CSPP1: variants seen among roughly 807,000 people sequenced by gnomAD.
CSPP1 encodes centrosome and spindle pole-associated protein 1.
In CSPP1, 126 loss-of-function variants were observed where a neutral mutation model predicts 164.4. The ratio of observed to expected loss-of-function variants is 0.77; its 90% CI spans 0.66 to 0.89. The LOEUF is 0.89. Ranked by LOEUF, CSPP1 falls within the 40% of genes least tolerant of loss-of-function variation. The pLI, the probability that CSPP1 is intolerant of heterozygous loss-of-function variation, is 0.00. For synonymous variants in CSPP1, 472 were observed against 476.7 expected (o/e 0.99, Z 0.13); for missense variants, 1,395 against 1,449.8 (o/e 0.96, Z 0.61).
At chr8:67,141,905 C>G (rs1391284418) in intron 17 of CSPP1, among the ~76,000 whole-genome samples, 1 of 152,198 alleles carries the variant, frequency 6.6e-6, no homozygotes. Context: ...AACGTCTGTT[C>G]ATTATCTTGG....
intron 1 of CSPP1, among the ~76,000 whole-genome samples, chr8:67,065,836 G>T (rs958290203): frequency 1.3e-5 from 2 of 152,070 alleles, no homozygotes; most frequent in Admixed American, 6.6e-5. Context: ...TTCAAGTTTG[G>T]GTCTTCTGCC....
At chr8:67,074,962 G>A (rs1238678795) in intron 2 of CSPP1, 1 of 158,010 alleles carries the variant, frequency 6.3e-6, no homozygotes, top group Non-Finnish European at 1.4e-5. Flanking sequence ...TGTATTTTTA[G>A]TAGAGTTGAG....
chr8:67,153,964 A>G (rs1826192529), intron 18 of CSPP1, 60 bp from the exon 19 acceptor site: 1 of 750,146 alleles, frequency 1.3e-6, no homozygotes, highest in African/African-American at 1.8e-5. Context: ...TTCATTCTTT[A>G]ACTGTTAAAT....
At position 67,195,565 on chromosome 8, in the gene CSPP1, G is replaced by C. The variant is rs377160929; in HGVS notation, c.3653G>C (p.Trp1218Ser). 8.1e-6 allele frequency: 13 copies of C among 1,614,014 alleles called. No homozygotes were observed. Among genetic ancestry groups the C allele is most frequent in the Admixed American group, 1.7e-5 (1 of 60,014 alleles). Residue 1218 changes from tryptophan (W) to serine (S), a missense_variant, in exon 31 of 31, where the codon TGG becomes TCG. Trp to Ser is a radical substitution (Grantham distance 177). Coordinates refer to ENST00000678616, the MANE Select transcript of CSPP1 (RefSeq NM_001382391.1). ...CCTGGAAAACCAGGCACTTTCACTTGGCAGGGCCTGTCGACTGCACATGGT... is the reference window on the plus strand; with the variant it reads ...CCTGGAAAACCAGGCACTTTCACTTCGCAGGGCCTGTCGACTGCACATGGT... ...QIPGKPGTFT[W>S]QGLSTAHG
At chr8:67,084,596 A>G (rs1809994809) in intron 3 of CSPP1, among the ~76,000 whole-genome samples, 1 of 152,060 alleles carries the variant, frequency 6.6e-6, no homozygotes. Flanking sequence ...AGTTTTGGCC[A>G]GGCGTGGTGG....
chr8:67,147,125 C>G (rs900169828), intron 17 of CSPP1, among the ~76,000 whole-genome samples: 1 of 152,096 alleles, frequency 6.6e-6, no homozygotes. Flanking sequence ...GTTGAGAAGT[C>G]CATATATAAT....
rs754467409 is a variant in CSPP1 at position 67,164,383 on chromosome 8, A to G, written c.2711-8A>G. ...TCTTGTGTTTTACTTATCAATGGGAATTTGCAGAGGAGAAAAAAAATGTAA... is the reference window on the plus strand; with the variant it reads ...TCTTGTGTTTTACTTATCAATGGGAGTTTGCAGAGGAGAAAAAAAATGTAA... On this transcript the variant is annotated splice_region_variant and splice_polypyrimidine_tract_variant and intron_variant, in intron 23 of 30. Transcript: ENST00000678616. 1 of 1,322,714 alleles carries G rather than the reference A, an allele frequency of 7.6e-7. No individual in the cohort carries two copies. Among genetic ancestry groups the G allele is most frequent in the East Asian group, 2.3e-5 (1 of 43,550 alleles). 81.9% of individuals were successfully genotyped at this position (1,322,714 alleles called of 1,614,324 possible). A position where few individuals can be genotyped will look rare whatever the true frequency, so the allele number is the denominator to read the frequency against.
chr8:67,161,461 T>A (rs1828331555), intron 21 of CSPP1, among the ~76,000 whole-genome samples: 1 of 152,194 alleles, frequency 6.6e-6, no homozygotes, highest in Non-Finnish European at 1.5e-5. Context: ...TGTTATTTAA[T>A]TTTTTTGTAT....
intron 1 of CSPP1, among the ~76,000 whole-genome samples, chr8:67,072,585 C>T (rs1585817548): frequency 6.6e-6 from 1 of 151,938 alleles, no homozygotes; most frequent in South Asian, 2.1e-4. Context: ...AGTTGGAACA[C>T]TTTGGGAGGC....
intron 8 of CSPP1, among the ~76,000 whole-genome samples, chr8:67,104,966 A>ATTTTTT (rs1166551719): frequency 6.6e-5 from 4 of 60,732 alleles, no homozygotes; most frequent in East Asian, 7.3e-4. Flanking sequence ...ATATATATAT[A>ATTTTTT]TTTTTTTTTT....
chr8:67,141,523 CTTTATT>C (rs747996350), intron 17 of CSPP1, among the ~76,000 whole-genome samples: 30 of 152,120 alleles, frequency 2.0e-4, no homozygotes, highest in South Asian at 1.2e-3. Context: ...TACATTTTAT[CTTTATT>C]TTTATTTTTT....
intron 1 of CSPP1, among the ~76,000 whole-genome samples, chr8:67,069,359 G>A (rs1407600234): frequency 2.6e-5 from 4 of 152,134 alleles, no homozygotes; most frequent in Admixed American, 2.0e-4. Context: ...TATGGCATAT[G>A]CTATATTTAC....
At chr8:67,182,673 T>A (rs565589479) in intron 28 of CSPP1, among the ~76,000 whole-genome samples, 1 of 152,364 alleles carries the variant, frequency 6.6e-6, no homozygotes, top group South Asian at 2.1e-4. Flanking sequence ...ATAGTAGCAA[T>A]CCTTACGGGT....
At chr8:67,085,909 G>A in intron 3 of CSPP1, 98 bp from the exon 4 acceptor site, 1 of 679,036 alleles carries the variant, frequency 1.5e-6, no homozygotes, top group Non-Finnish European at 2.7e-6. Context: ...CTTGGAATAA[G>A]CATAATTCTG....
At chr8:67,144,925 A>T (rs1824208025) in intron 17 of CSPP1, among the ~76,000 whole-genome samples, 1 of 151,098 alleles carries the variant, frequency 6.6e-6, no homozygotes, top group African/African-American at 2.4e-5. Context: ...AAAAAAAATT[A>T]GCTGTGTGTG....
intron 15 of CSPP1, among the ~76,000 whole-genome samples, chr8:67,125,664 A>G (rs1052131734): frequency 2.0e-5 from 3 of 151,910 alleles, no homozygotes; most frequent in African/African-American, 2.4e-5. Context: ...GGTAATCTCA[A>G]TTGACCTGTC....
intron 28 of CSPP1, 46 bp downstream of exon 28, chr8:67,179,972 C>A (rs760517203): frequency 1.9e-6 from 2 of 1,053,730 alleles, no homozygotes; most frequent in South Asian, 1.3e-5. Flanking sequence ...AAATATTAAA[C>A]CTTTCTCCAC....
rs1374655641 is a variant in CSPP1, at chr8:67,091,889, T to G, written c.384+6T>G. 2.4e-6 allele frequency: 3 copies of G among 1,266,682 alleles called. No homozygotes were observed. The African/African-American group carries it at 4.6e-5, about 20-fold the overall frequency. 78.5% of individuals were successfully genotyped at this position (1,266,682 alleles called of 1,614,324 possible). A position where few individuals can be genotyped will look rare whatever the true frequency, so the allele number is the denominator to read the frequency against. On this transcript the variant is annotated splice_donor_region_variant and intron_variant, in intron 5 of 30. Coordinates refer to ENST00000678616, the MANE Select transcript of CSPP1 (RefSeq NM_001382391.1). ...GTGAGAGGTTATCTGCTAAGGTAGG[T>G]GGATAGGAGTAGTTATTGTGGGTAC... is the stretch of plus-strand genomic sequence containing the variant.
intron 1 of CSPP1, 89 bp downstream of exon 1, chr8:67,064,627 C>A: frequency 9.9e-7 from 1 of 1,014,322 alleles, no homozygotes; most frequent in Non-Finnish European, 1.2e-6. Context: ...GTGGCTCCCT[C>A]GGGGCGTAGG....
Sources: gnomAD v4.1 joint callset for allele counts (sites outside exome capture counted in the v4.1 genomes callset) on GRCh38, gnomAD v4.1.1 for gene constraint, MANE v1.5 for transcripts, NCBI Gene and HGNC (gene_info 2026-07-23, HGNC 2026-07-21) for gene names.